Variants in MYO5B observed in about 807,000 individuals in gnomAD.
MYO5B encodes myosin VB.
In MYO5B, 143 loss-of-function variants were observed where a neutral mutation model predicts 229.3. The observed-to-expected ratio is 0.62, with a 90% confidence interval of 0.54 to 0.72. The LOEUF is 0.72. Among genes scored for constraint, MYO5B ranks in the 30% least tolerant of loss-of-function variants. MYO5B has a pLI of 0.00. For missense variants in MYO5B, 2,321 were observed against 2,331.0 expected (o/e 1.00, Z 0.09); for synonymous variants, 918 against 885.2 (o/e 1.04, Z -0.66).
intron 9 of MYO5B, among the ~76,000 whole-genome samples, chr18:49,979,158 TCATGG>T (rs1372003596): frequency 6.6e-6 from 1 of 152,166 alleles, no homozygotes; most frequent in African/African-American, 2.4e-5. Context: ...ACAGTCCTTC[TCATGG>T]CATCACTGCT....
At chr18:49,876,316 T>G (rs1436152994) in intron 25 of MYO5B, 1 of 264,562 alleles carries the variant, frequency 3.8e-6, no homozygotes, top group Non-Finnish European at 7.3e-6. Flanking sequence ...CGGAACCTAT[T>G]TATCCAACAG....
At chr18:50,015,614 G>C (rs1447565618) in intron 4 of MYO5B, among the ~76,000 whole-genome samples, 1 of 152,198 alleles carries the variant, frequency 6.6e-6, no homozygotes, top group African/African-American at 2.4e-5. Flanking sequence ...TGGCGCAGCA[G>C]GTGTGCCCAG....
chr18:50,000,853 G>T (rs1460086208), intron 5 of MYO5B, among the ~76,000 whole-genome samples: 1 of 152,126 alleles, frequency 6.6e-6, no homozygotes, highest in Non-Finnish European at 1.5e-5. Context: ...TTCTATCTAG[G>T]CTTTCCCGTC....
intron 10 of MYO5B, among the ~76,000 whole-genome samples, chr18:49,964,115 G>A (rs887097581): frequency 6.6e-6 from 1 of 152,100 alleles, no homozygotes; most frequent in African/African-American, 2.4e-5. Context: ...CTTTCCTTAG[G>A]ATGCTAACCT....
intron 4 of MYO5B, 122 bp from the exon 5 acceptor site, chr18:50,001,533 C>G (rs117981729): frequency 1.7e-6 from 2 of 1,197,128 alleles, no homozygotes; most frequent in African/African-American, 3.0e-5. Flanking sequence ...AATGGATAAA[C>G]GCAGAGGAAC....
At chr18:50,124,702 C>T (rs1461882188) in intron 1 of MYO5B, among the ~76,000 whole-genome samples, 1 of 151,992 alleles carries the variant, frequency 6.6e-6, no homozygotes, top group Non-Finnish European at 1.5e-5. Flanking sequence ...ATCTTTCCCC[C>T]CTGGTGCCCT....
chr18:50,136,468 G>C (rs1414463971), intron 1 of MYO5B, among the ~76,000 whole-genome samples: 4 of 148,062 alleles, frequency 2.7e-5, no homozygotes, highest in Non-Finnish European at 5.9e-5. Context: ...CAAGTGTGCT[G>C]ACATCTTCCC....
At chr18:50,172,825 G>A (rs1156952228) in intron 1 of MYO5B, among the ~76,000 whole-genome samples, 3 of 152,198 alleles carry the variant, frequency 2.0e-5, no homozygotes, top group Non-Finnish European at 2.9e-5. Context: ...AGGTGGTGGA[G>A]AAGCCCTCCC....
intron 1 of MYO5B, among the ~76,000 whole-genome samples, chr18:50,182,013 C>T (rs1599084074): frequency 6.6e-6 from 1 of 152,090 alleles, no homozygotes; most frequent in East Asian, 1.9e-4. Context: ...ACAAATGAAC[C>T]GTTGGATTAG....
rs2023801819 is a variant in MYO5B at position 49,823,691 on chromosome 18, C to T, written c.*2780G>A. The stretch of plus-strand genomic sequence containing the variant: ...AAAAACATCTACCTTTGGGTCTAAT[C>T]TGCCTCCCAGGTGAGCCTACAGGTA... On this transcript the variant is annotated 3_prime_UTR_variant, in exon 40 of 40. Transcript: ENST00000285039. The T allele has an allele frequency of 6.6e-6, 1 of 152,216 alleles. No individual in the cohort carries two copies. Among genetic ancestry groups the T allele is most frequent in the African/African-American group, 2.4e-5 (1 of 41,446 alleles). The allele number at this position is 152,216 out of a possible 1,614,324, so 9.4% of individuals were successfully genotyped here.
rs147478206 is a variant in MYO5B at position 50,138,553 on chromosome 18, G to T, written c.27+56214C>A. On this transcript the variant is annotated intron_variant, in intron 1 of 39. Coordinates refer to ENST00000285039, the MANE Select transcript of MYO5B (RefSeq NM_001080467.3). ...TAAATTGCTCTGATTCCATTTAGGA[G>T]GAGGATAGAAGCCCTGTCCACCTTG... Among the ~76,000 whole-genome samples the T allele has an allele frequency of 2.0e-5, 3 of 152,216 alleles. No individual in the cohort carries two copies. The East Asian group carries it at 5.8e-4, about 29-fold the overall frequency.
At chr18:49,863,729 T>A (rs182212476) in intron 28 of MYO5B, among the ~76,000 whole-genome samples, 29 of 152,290 alleles carry the variant, frequency 1.9e-4, no homozygotes, top group East Asian at 9.7e-4. Flanking sequence ...GTGACCCACG[T>A]GGCCTCTGTC....
At position 49,962,375 on chromosome 18, in the gene MYO5B, A is replaced by G; in HGVS notation, c.1436T>C (p.Met479Thr). 1 of 1,614,188 alleles carries G rather than the reference A, an allele frequency of 6.2e-7. No individual in the cohort carries two copies. Among genetic ancestry groups the G allele is most frequent in the South Asian group, 1.1e-5 (1 of 91,072 alleles). Residue 479 changes from methionine to threonine, a missense_variant, in exon 12 of 40, where the codon ATG becomes ACG. Coordinates refer to ENST00000285039, the MANE Select transcript of MYO5B (RefSeq NM_001080467.3). ...HVFKLEQEEYMKEQIPWTLID... is the reference protein window; with the variant it reads ...HVFKLEQEEYTKEQIPWTLID... ...CAGGGTCCAAGGGATCTGTTCCTTC[A>G]TGTATTCTTCTTGCTCCAGTTTGAA...
At chr18:50,139,072 C>T (rs2032379089) in intron 1 of MYO5B, among the ~76,000 whole-genome samples, 1 of 152,362 alleles carries the variant, frequency 6.6e-6, no homozygotes, top group Middle Eastern at 3.4e-3. Flanking sequence ...CAATGTTCAT[C>T]TAATGTGAGG....
At chr18:49,850,701 T>C (rs895195180) in intron 31 of MYO5B, 3 of 152,238 alleles carry the variant, frequency 2.0e-5, no homozygotes, top group African/African-American at 4.8e-5. Flanking sequence ...GAAGGTCTCC[T>C]GTGAACCCTG....
chr18:50,007,618 A>T (rs1462488918), intron 4 of MYO5B, among the ~76,000 whole-genome samples: 2 of 152,112 alleles, frequency 1.3e-5, no homozygotes, highest in African/African-American at 2.4e-5. Flanking sequence ...CTTCTACTGG[A>T]TATGTTCAAG....
At position 49,998,284 on chromosome 18, in the gene MYO5B, C is replaced by T. The variant is rs558389752; in HGVS notation, c.612+2971G>A. Among the ~76,000 whole-genome samples, 6 of 152,294 alleles carry T rather than the reference C, an allele frequency of 3.9e-5. No individual in the cohort carries two copies. The East Asian group carries it at 9.6e-4, about 24-fold the overall frequency. ...CAGGACTTACATAATTTCCAAAGTA[C>T]TAATTTGCACAAGGCAGAAAATTAA... is the stretch of plus-strand genomic sequence containing the variant. On this transcript the variant is annotated intron_variant, in intron 5 of 39. Coordinates refer to ENST00000285039, the MANE Select transcript of MYO5B (RefSeq NM_001080467.3).
intron 5 of MYO5B, among the ~76,000 whole-genome samples, chr18:49,995,603 A>G (rs148676911): frequency 3.0e-4 from 46 of 152,242 alleles, no homozygotes; most frequent in African/African-American, 1.1e-3. Context: ...AAACCAACTA[A>G]TTACTATGAA....
At chr18:49,872,059 T>G in intron 27 of MYO5B, 108 bp downstream of exon 27, 1 of 1,045,004 alleles carries the variant, frequency 9.6e-7, no homozygotes. Context: ...CTTACTGCTC[T>G]CCTTGTTAGC....
Sources: gnomAD v4.1 joint callset for allele counts (sites outside exome capture counted in the v4.1 genomes callset) on GRCh38, gnomAD v4.1.1 for gene constraint, MANE v1.5 for transcripts, NCBI Gene and HGNC (gene_info 2026-07-23, HGNC 2026-07-21) for gene names.